KCNJ15: variants seen among roughly 807,000 people sequenced by gnomAD.
KCNJ15 encodes ATP-sensitive inward rectifier potassium channel 15.
A neutral mutation model predicts 23.0 loss-of-function variants in KCNJ15; 14 were observed. The ratio of observed to expected loss-of-function variants is 0.61; its 90% CI spans 0.40 to 0.95. The LOEUF is 0.95. Among genes scored for constraint, KCNJ15 ranks in the 40% least tolerant of loss-of-function variants. The pLI, the probability that KCNJ15 is intolerant of heterozygous loss-of-function variation, is 0.00. For synonymous variants in KCNJ15, 185 were observed against 183.2 expected (o/e 1.01, Z -0.08); for missense variants, 388 against 461.8 (o/e 0.84, Z 1.46).
At chr21:38,283,734 G>T (rs532834449) in intron 1 of KCNJ15, among the ~76,000 whole-genome samples, 1 of 151,990 alleles carries the variant, frequency 6.6e-6, no homozygotes, top group African/African-American at 2.4e-5. Flanking sequence ...CCTCAAAAAA[G>T]TTATGCTAGA....
At position 38,242,138 on chromosome 21, in the gene KCNJ15, C is replaced by T. The variant is rs146537968; in HGVS notation, c.-398-14908C>T. Among the ~76,000 whole-genome samples the T allele has an allele frequency of 4.4e-4, 67 of 152,218 alleles. 1 individual carries two copies. In the East Asian group the frequency reaches 0.011, roughly 25 times the overall value. The stretch of plus-strand genomic sequence containing the variant: ...GGCCACACTTCTGGGCTCTAGTCAC[C>T]TCTAATCCACGTTGTGATAATTGGT... On this transcript the variant is annotated intron_variant, in intron 1 of 4. Coordinates refer to the KCNJ15 transcript ENST00000547341.
intron 1 of KCNJ15, among the ~76,000 whole-genome samples, chr21:38,277,793 C>A (rs1014249168): frequency 6.6e-6 from 1 of 152,166 alleles, no homozygotes; most frequent in African/African-American, 2.4e-5. Flanking sequence ...ATGATAAATG[C>A]ATGGAGAGCA....
At chr21:38,284,100 G>T (rs190872625) in intron 1 of KCNJ15, among the ~76,000 whole-genome samples, 1 of 152,260 alleles carries the variant, frequency 6.6e-6, no homozygotes, top group Admixed American at 6.5e-5. Context: ...AGACCCTAGT[G>T]CTTACTTCTC....
intron 1 of KCNJ15, among the ~76,000 whole-genome samples, chr21:38,248,818 C>G (rs907174795): frequency 1.1e-4 from 17 of 152,296 alleles, no homozygotes; most frequent in Non-Finnish European, 2.2e-4. Context: ...ATGCTGGCCA[C>G]CTTTGCCCCT....
chr21:38,280,880 T>C (rs561659264), intron 1 of KCNJ15, among the ~76,000 whole-genome samples: 2 of 152,312 alleles, frequency 1.3e-5, no homozygotes, highest in African/African-American at 4.8e-5. Context: ...CCTTCTATTG[T>C]ATATGTCTAG....
chr21:38,304,662 C>CTTTTTCTTTTTT lies in KCNJ15; in HGVS notation c.*4278_*4279insCTTTTTTTTTTT, dbSNP rs1985981966. The CTTTTTCTTTTTT allele has an allele frequency of 1.8e-5, 1 of 56,026 alleles. No homozygotes were observed. Among genetic ancestry groups the CTTTTTCTTTTTT allele is most frequent in the Non-Finnish European group, 3.6e-5 (1 of 28,118 alleles). 3.5% of individuals were successfully genotyped at this position (56,026 alleles called of 1,614,324 possible). On this transcript the variant is annotated 3_prime_UTR_variant, in exon 3 of 3. Transcript: ENST00000398938. ...TTACCCTTTGTAAACTTCAATTTAT[C>CTTTTTCTTTTTT]TTTTTTTTTTTTTTTTTTTTTTTTT...
At chr21:38,289,612 A>G (rs1378854381) in intron 1 of KCNJ15, among the ~76,000 whole-genome samples, 1 of 152,202 alleles carries the variant, frequency 6.6e-6, no homozygotes, top group African/African-American at 2.4e-5. Context: ...GCACACCTGT[A>G]ATCCCAGCTA....
intron 1 of KCNJ15, among the ~76,000 whole-genome samples, chr21:38,275,293 A>G (rs981141400): frequency 5.3e-5 from 8 of 152,140 alleles, no homozygotes; most frequent in African/African-American, 1.9e-4. Flanking sequence ...CTGCAGAAAG[A>G]TCAAACTTTT....
chr21:38,301,838 A>C lies in KCNJ15; in HGVS notation c.*1449A>C, dbSNP rs1226959816. The stretch of plus-strand genomic sequence containing the variant: ...TTAAATGTCCAAAAGGTGAATTCTC[A>C]TTTCATTCAAACAAAGACAGATTTG... On this transcript the variant is annotated 3_prime_UTR_variant, in exon 3 of 3. Transcript: ENST00000398938. 1 of 167,020 alleles carries C rather than the reference A, an allele frequency of 6.0e-6. No homozygotes were observed. The highest frequency in any genetic ancestry group is 6.5e-5 in the Admixed American group (1 of 15,288). The allele number at this position is 167,020 out of a possible 1,614,324, so 10.3% of individuals were successfully genotyped here.
At chr21:38,272,278 A>G (rs1045874318) in intron 1 of KCNJ15, 1 of 152,226 alleles carries the variant, frequency 6.6e-6, no homozygotes, top group African/African-American at 2.4e-5. Context: ...AACTGAAGCC[A>G]TGTGCCAGAA....
intron 1 of KCNJ15, among the ~76,000 whole-genome samples, chr21:38,277,547 T>C (rs1982848472): frequency 6.6e-6 from 1 of 152,204 alleles, no homozygotes; most frequent in Non-Finnish European, 1.5e-5. Flanking sequence ...AGAAAAGCTG[T>C]ATCTGAACTT....
Position 38,306,199 on chromosome 21 carries a change from G to A in KCNJ15, c.*5810G>A, listed in dbSNP as rs1476233205. ...CCCTTGCCACATGATGTAGTACTTA[G>A]CTATAATTTTATTTTTATTCAAGGC... On this transcript the variant is annotated 3_prime_UTR_variant, in exon 3 of 3. Coordinates refer to ENST00000398938, the MANE Select transcript of KCNJ15 (RefSeq NM_170736.3). The A allele has an allele frequency of 2.0e-5, 3 of 152,140 alleles. No individual in the cohort carries two copies. The highest frequency in any genetic ancestry group is 7.2e-5 in the African/African-American group (3 of 41,432). 9.4% of individuals were successfully genotyped at this position (152,140 alleles called of 1,614,324 possible). A position where few individuals can be genotyped will look rare whatever the true frequency, so the allele number is the denominator to read the frequency against.
At chr21:38,265,598 G>A (rs1424625948) in intron 1 of KCNJ15, among the ~76,000 whole-genome samples, 3 of 152,186 alleles carry the variant, frequency 2.0e-5, no homozygotes. Context: ...TCTTCACCAA[G>A]TATATTCTTG....
chr21:38,252,608 A>G (rs1450799004), upstream of KCNJ15, among the ~76,000 whole-genome samples: 2 of 152,204 alleles, frequency 1.3e-5, no homozygotes, highest in Admixed American at 6.5e-5. Flanking sequence ...TATATGCATA[A>G]TAAAATCTCG....
chr21:38,296,024 C>G (rs1487870094), intron 1 of KCNJ15, among the ~76,000 whole-genome samples: 1 of 151,918 alleles, frequency 6.6e-6, no homozygotes, highest in Non-Finnish European at 1.5e-5. Context: ...TCAGAAGAAA[C>G]GTAGGAAGTA....
At position 38,300,411 on chromosome 21, in the gene KCNJ15, T is replaced by G; in HGVS notation, c.*22T>G. On this transcript the variant is annotated 3_prime_UTR_variant, in exon 3 of 3. Coordinates refer to ENST00000398938, the MANE Select transcript of KCNJ15 (RefSeq NM_170736.3). The stretch of plus-strand genomic sequence containing the variant: ...CTGATCACAGGGGCGCCATCCAGGT[T>G]TAACCCTGCAAGCTGTTTCCACATC... 6.4e-7 allele frequency: 1 copy of G among 1,568,936 alleles called. No homozygotes were observed. Among genetic ancestry groups the G allele is most frequent in the Non-Finnish European group, 8.6e-7 (1 of 1,156,830 alleles).
rs894705058 is a variant in KCNJ15 at position 38,302,646 on chromosome 21, G to A, written c.*2257G>A. On this transcript the variant is annotated 3_prime_UTR_variant, in exon 3 of 3. Transcript: ENST00000398938. The stretch of plus-strand genomic sequence containing the variant: ...TATAATCAACAAAAAATAATGCCAC[G>A]GGCATGTTTACACCTTTTCTGTTGC... The A allele has an allele frequency of 1.3e-5, 2 of 152,022 alleles. No individual in the cohort carries two copies. The highest frequency in any genetic ancestry group is 2.9e-5 in the Non-Finnish European group (2 of 67,994). 9.4% of individuals were successfully genotyped at this position (152,022 alleles called of 1,614,324 possible).
Position 38,238,212 on chromosome 21 carries a change from A to G in KCNJ15, c.-398-18834A>G, listed in dbSNP as rs377390075. On this transcript the variant is annotated intron_variant, in intron 1 of 4. Transcript: ENST00000547341. The stretch of plus-strand genomic sequence containing the variant: ...AAGCTCTACCTTCTGCCCCAGCCCA[A>G]GAGGGTTGGGGCAGTCACGGATGTA... 2.3e-5 allele frequency: 12 copies of G among 514,258 alleles called. No homozygotes were observed. The East Asian group carries it at 3.6e-4, about 15-fold the overall frequency. The allele number at this position is 514,258 out of a possible 1,614,324, so 31.9% of individuals were successfully genotyped here. A position where few individuals can be genotyped will look rare whatever the true frequency, so the allele number is the denominator to read the frequency against.
At position 38,299,755 on chromosome 21, in the gene KCNJ15, T is replaced by G. The variant is rs774909983; in HGVS notation, c.494T>G (p.Leu165Arg). Reference sequence around the variant, plus strand: ...GAGATCTTCATCACCGGAACCTTCCTGGCCAAAATCGCCAGACCCAAAAAG... The same window carrying G: ...GAGATCTTCATCACCGGAACCTTCCGGGCCAAAATCGCCAGACCCAAAAAG... ...LIEIFITGTF[L>R]AKIARPKKRA... Residue 165 changes from leucine to arginine, a missense_variant, in exon 3 of 3, where the codon CTG becomes CGG. By Grantham distance (102) the Leu-to-Arg change is moderately radical. Coordinates refer to ENST00000398938, the MANE Select transcript of KCNJ15 (RefSeq NM_170736.3). This position sits in a 1 kb window ranked among gnomAD's most constrained non-coding sequence, Gnocchi z 4.5. 1 of 1,614,126 alleles carries G rather than the reference T, an allele frequency of 6.2e-7. No individual in the cohort carries two copies. The highest frequency in any genetic ancestry group is 1.1e-5 in the South Asian group (1 of 91,074).
Sources: gnomAD v4.1 joint callset for allele counts (sites outside exome capture counted in the v4.1 genomes callset) on GRCh38, gnomAD v4.1.1 for gene constraint, Gnocchi (gnomAD v3.1) non-coding constraint, MANE v1.5 for transcripts, NCBI Gene and HGNC (gene_info 2026-07-23, HGNC 2026-07-21) for gene names.